EDDM13: variants seen among roughly 807,000 people sequenced by gnomAD.
The protein encoded by EDDM13 is epididymal protein 13.
Under a neutral mutation model 17.8 loss-of-function variants are expected in EDDM13, and 24 were observed. The observed-to-expected ratio is 1.35, with a 90% confidence interval of 0.98 to 1.90. EDDM13 has a LOEUF of 1.90. EDDM13 is among the 40% of genes most tolerant of loss of function. The probability of loss-of-function intolerance (pLI) is 0.00; values close to 1 mark genes in which losing one functional copy is unlikely to be tolerated. For synonymous variants in EDDM13, 31 were observed against 37.5 expected (o/e 0.83, Z 0.63); for missense variants, 97 against 100.8 (o/e 0.96, Z 0.16).
At chr19:56,275,542 G>C (rs1282311685) in intron 1 of EDDM13, among the ~76,000 whole-genome samples, 1 of 152,158 alleles carries the variant, frequency 6.6e-6, no homozygotes, top group African/African-American at 2.4e-5. Context: ...ACCAGCCTGG[G>C]CAACATAGTG....
chr19:56,285,780 AGTTTT>A (rs1214342637), intron 6 of EDDM13, among the ~76,000 whole-genome samples: 2 of 152,022 alleles, frequency 1.3e-5, no homozygotes, highest in Non-Finnish European at 2.9e-5. Context: ...CGCCCAGCCC[AGTTTT>A]GTTTTATTTT....
intron 14 of EDDM13, among the ~76,000 whole-genome samples, chr19:56,306,886 G>A (rs77506986): frequency 1.0e-3 from 48 of 47,062 alleles, no homozygotes; most frequent in African/African-American, 3.1e-3. Context: ...CCTCTCCCAC[G>A]TCGCCAGAGA....
At chr19:56,301,643 C>T (rs1271664807) in intron 12 of EDDM13, among the ~76,000 whole-genome samples, 2 of 152,190 alleles carry the variant, frequency 1.3e-5, no homozygotes, top group East Asian at 3.9e-4. Flanking sequence ...CTCATTTTAC[C>T]CAGCCCCTAT....
At position 56,281,715 on chromosome 19, in the gene EDDM13, TC is replaced by T. The variant is rs945394168; in HGVS notation, c.109+18del. 2.2e-4 allele frequency: 215 copies of T among 985,198 alleles called. 1 individual carries two copies. The Middle Eastern group carries it at 8.9e-3, about 41-fold the overall frequency. 61.0% of individuals were successfully genotyped at this position (985,198 alleles called of 1,614,324 possible). A position where few individuals can be genotyped will look rare whatever the true frequency, so the allele number is the denominator to read the frequency against. On this transcript the variant is annotated intron_variant, in intron 3 of 14. Coordinates refer to ENST00000649256, the MANE Select transcript of EDDM13 (RefSeq NM_001354658.2). ...CAGTCAACTGTAAGTCATATCTCCTTCTCCCTACATAAATGGGGAGCCCGCC... is the reference window on the plus strand; with the variant it reads ...CAGTCAACTGTAAGTCATATCTCCTTTCCCTACATAAATGGGGAGCCCGCC...
chr19:56,280,948 C>T (rs2038649493), intron 2 of EDDM13, among the ~76,000 whole-genome samples: 3 of 152,138 alleles, frequency 2.0e-5, no homozygotes, highest in African/African-American at 7.2e-5. Flanking sequence ...GTTAGGGGCA[C>T]CAACCTCCAG....
At position 56,304,870 on chromosome 19, in the gene EDDM13, G is replaced by A; in HGVS notation, c.461+40G>A. ...GGAAGTGGGCTTTTCCCACCGCTGG[G>A]GTGGGGTTAGGGGAGGTTCATCCCA... On this transcript the variant is annotated intron_variant, in intron 14 of 14. Coordinates refer to ENST00000649256, the MANE Select transcript of EDDM13 (RefSeq NM_001354658.2). 3 of 896,250 alleles carry A rather than the reference G, an allele frequency of 3.3e-6. No individual in the cohort carries two copies. The African/African-American group carries it at 5.4e-5, about 16-fold the overall frequency. 55.5% of individuals were successfully genotyped at this position (896,250 alleles called of 1,614,324 possible).
At chr19:56,280,020 A>G (rs1396856782) in intron 2 of EDDM13, among the ~76,000 whole-genome samples, 2 of 152,194 alleles carry the variant, frequency 1.3e-5, no homozygotes, top group South Asian at 2.1e-4. Context: ...GTTATACTGG[A>G]AAAAACTCCT....
At chr19:56,293,382 A>T (rs571833135) in intron 9 of EDDM13, among the ~76,000 whole-genome samples, 11 of 152,236 alleles carry the variant, frequency 7.2e-5, no homozygotes, top group African/African-American at 2.4e-4. Flanking sequence ...TGCAAACTCA[A>T]AAGTGTTCAA....
At chr19:56,307,724 G>A (rs1360732798) in intron 14 of EDDM13, among the ~76,000 whole-genome samples, 2 of 152,196 alleles carry the variant, frequency 1.3e-5, no homozygotes, top group African/African-American at 2.4e-5. Context: ...CCCAAGGTCT[G>A]TATGTAAAAC....
chr19:56,273,753 A>G (rs1463264505), intron 1 of EDDM13, among the ~76,000 whole-genome samples: 1 of 152,204 alleles, frequency 6.6e-6, no homozygotes, highest in Non-Finnish European at 1.5e-5. Flanking sequence ...AGGAGGCAGG[A>G]AACAGAACAG....
Position 56,301,846 on chromosome 19 carries a change from C to T in EDDM13, c.296-122C>T, listed in dbSNP as rs2040254396. On this transcript the variant is annotated intron_variant, in intron 12 of 14. Transcript: ENST00000649256. The stretch of plus-strand genomic sequence containing the variant: ...TGATGGTGGGTGTGGACCAAAATTT[C>T]AATTCAGGAGGCAGGCAGAGATGTG... 6 of 1,175,028 alleles carry T rather than the reference C, an allele frequency of 5.1e-6. No individual in the cohort carries two copies. In the South Asian group the frequency reaches 1.3e-4, roughly 26 times the overall value. The allele number at this position is 1,175,028 out of a possible 1,614,324, so 72.8% of individuals were successfully genotyped here. A position where few individuals can be genotyped will look rare whatever the true frequency, so the allele number is the denominator to read the frequency against.
chr19:56,279,572 TGGG>T (rs2038529354), intron 2 of EDDM13, among the ~76,000 whole-genome samples: 1 of 152,220 alleles, frequency 6.6e-6, no homozygotes, highest in Non-Finnish European at 1.5e-5. Flanking sequence ...GTGTCCCATA[TGGG>T]GTCTGAGGTT....
chr19:56,306,088 T>C (rs1177052878), intron 14 of EDDM13, among the ~76,000 whole-genome samples: 1 of 151,912 alleles, frequency 6.6e-6, no homozygotes, highest in Non-Finnish European at 1.5e-5. Flanking sequence ...TTCAGAGCCA[T>C]GGGAAGCCAC....
chr19:56,295,931 C>G (rs2039842986), intron 9 of EDDM13, 28 bp from the exon 10 acceptor site: 1 of 152,802 alleles, frequency 6.5e-6, no homozygotes, highest in African/African-American at 2.4e-5. Flanking sequence ...TTCCTGGACC[C>G]CATCTCCTTC....
rs575389958 is a variant in EDDM13 at position 56,290,136 on chromosome 19, A to G, written c.227-705A>G. On this transcript the variant is annotated intron_variant, in intron 8 of 14. Coordinates refer to ENST00000649256, the MANE Select transcript of EDDM13 (RefSeq NM_001354658.2). ...TCTTTGTTCTACCTGGACCTTCTGC[A>G]TGAGAATACCAAGGGGTGGGTCCCA... Among the ~76,000 whole-genome samples, 27 of 152,364 alleles carry G rather than the reference A, an allele frequency of 1.8e-4. No homozygotes were observed. The East Asian group carries it at 3.7e-3, about 21-fold the overall frequency.
At chr19:56,291,756 C>CCT (rs2039523718) in intron 9 of EDDM13, among the ~76,000 whole-genome samples, 1 of 151,660 alleles carries the variant, frequency 6.6e-6, no homozygotes, top group Non-Finnish European at 1.5e-5. Flanking sequence ...TTTTTAAACT[C>CCT]AAGAACTGGG....
At chr19:56,309,508 G>A (rs2040898012) in intron 14 of EDDM13, among the ~76,000 whole-genome samples, 2 of 152,354 alleles carry the variant, frequency 1.3e-5, no homozygotes, top group Admixed American at 6.5e-5. Context: ...TTTATTAAAA[G>A]GGATGCAGGC....
chr19:56,309,887 G>A (rs2040927748), intron 14 of EDDM13, among the ~76,000 whole-genome samples: 1 of 152,164 alleles, frequency 6.6e-6, no homozygotes, highest in Non-Finnish European at 1.5e-5. Flanking sequence ...CAGAGCTAGG[G>A]TCCATAAGAT....
At chr19:56,303,808 G>A (rs781161987) in intron 13 of EDDM13, among the ~76,000 whole-genome samples, 15 of 115,248 alleles carry the variant, frequency 1.3e-4, no homozygotes, top group Admixed American at 2.5e-4. Flanking sequence ...AGCCTTCCCC[G>A]GGCAGGTAAC....
Sources: allele counts gnomAD v4.1 joint callset (sites outside exome capture counted in the v4.1 genomes callset), GRCh38; gene constraint gnomAD v4.1.1; transcripts MANE v1.5; gene names NCBI Gene and HGNC (gene_info 2026-07-23, HGNC 2026-07-21).